The following MNDA variants were observed in gnomAD, a reference collection of about 807,000 sequenced individuals.
MNDA encodes myeloid cell nuclear differentiation antigen.
In MNDA, 43 loss-of-function variants were observed where a neutral mutation model predicts 37.8. The observed-to-expected ratio is 1.14, with a 90% CI of 0.89 to 1.47. MNDA has a LOEUF of 1.47. MNDA is among the 40% of genes most tolerant of loss of function. MNDA has a pLI of 0.00. For missense variants in MNDA, 536 were observed against 476.0 expected, an observed-to-expected ratio of 1.13 and a Z score of -1.17; for synonymous variants, 181 against 169.0, an observed-to-expected ratio of 1.07 and a Z score of -0.55.
rs76012885 is a variant in MNDA, at chr1:158,833,464, G to A, written c.-21+1907G>A. Among the ~76,000 whole-genome samples, 500 of 152,248 alleles carry A rather than the reference G, an allele frequency of 3.3e-3. 2 individuals carry two copies. The highest frequency in any genetic ancestry group is 6.4e-3 in the Non-Finnish European group (433 of 67,998). ...ATCTTGCAAAACTAAAACTCTAACC[G>A]TTAACCAACAATTTCACCATTCCCC... On this transcript the variant is annotated intron_variant, in intron 1 of 6. Transcript: ENST00000368141.
chr1:158,844,172 T>G, intron 4 of MNDA, 50 bp downstream of exon 4: 2 of 1,404,296 alleles, frequency 1.4e-6, no homozygotes, highest in Non-Finnish European at 1.9e-6. Flanking sequence ...CCAGTCACAG[T>G]GCATTCCACT....
Position 158,842,142 on chromosome 1 carries a change from A to G in MNDA, c.-12A>G, listed in dbSNP as rs769703820. Reference sequence around the variant, plus strand: ...TCATTTTTACTTTATAGGCCAAGCTATAACATCAGAAATGGTGAATGAATA... The same window carrying G: ...TCATTTTTACTTTATAGGCCAAGCTGTAACATCAGAAATGGTGAATGAATA... On this transcript the variant is annotated 5_prime_UTR_variant, in exon 2 of 7. Transcript: ENST00000368141. The G allele has an allele frequency of 3.7e-6, 6 of 1,600,330 alleles. No individual in the cohort carries two copies. The South Asian group carries it at 4.5e-5, about 12-fold the overall frequency.
intron 2 of MNDA, 28 bp from the exon 3 acceptor site, chr1:158,843,251 T>C (rs1335914938): frequency 3.8e-6 from 6 of 1,594,694 alleles, no homozygotes; most frequent in Non-Finnish European, 5.1e-6. Flanking sequence ...TCTAGGCCTA[T>C]TGTGCCCTTT....
chr1:158,846,192 A>G (rs1180900698), intron 5 of MNDA, among the ~76,000 whole-genome samples, 189 bp downstream of exon 5: 1 of 152,210 alleles, frequency 6.6e-6, no homozygotes, highest in African/African-American at 2.4e-5. Context: ...AAATAAATGT[A>G]GGGACTTTGA....
At position 158,839,204 on chromosome 1, in the gene MNDA, C is replaced by G. The variant is rs1658982930; in HGVS notation, c.-20-2930C>G. Among the ~76,000 whole-genome samples, 3 of 152,256 alleles carry G rather than the reference C, an allele frequency of 2.0e-5. No individual in the cohort carries two copies. In the South Asian group the frequency reaches 6.2e-4, roughly 32 times the overall value. On this transcript the variant is annotated intron_variant, in intron 1 of 6. Transcript: ENST00000368141. ...ACAGCCCCCTCTCAACCATTGTTAA[C>G]TGGCACCATATTCAGGGGAGGACTT...
rs142716620 is a variant in MNDA at position 158,842,237 on chromosome 1, A to C, written c.84A>C (p.Leu28Phe). The C allele has an allele frequency of 3.3e-5, 53 of 1,613,954 alleles. No individual in the cohort carries two copies. Among genetic ancestry groups the C allele is most frequent in the Admixed American group, 5.0e-5 (3 of 60,010 alleles). ...DDYHFTSIKS[L>F]LAYDLGLTTK... is the part of the protein sequence containing the mutation. ...ATCATTTTACATCAATTAAGTCCTTACTGGCCTATGATTTAGGACTAACTA... is the reference window on the plus strand; with the variant it reads ...ATCATTTTACATCAATTAAGTCCTTCCTGGCCTATGATTTAGGACTAACTA... The change falls in exon 2 of 7, where the codon TTA becomes TTC. Residue 28 changes from leucine to phenylalanine, a missense_variant. Leu to Phe is a conservative substitution (Grantham distance 22). Coordinates refer to ENST00000368141, the MANE Select transcript of MNDA (RefSeq NM_002432.3).
intron 1 of MNDA, among the ~76,000 whole-genome samples, chr1:158,839,024 TCATA>T (rs1230809254): frequency 2.6e-5 from 4 of 152,348 alleles, no homozygotes; most frequent in African/African-American, 9.6e-5. Flanking sequence ...AACTCATTTA[TCATA>T]TTTAAGAGTG....
At chr1:158,838,281 G>A (rs904294162) in intron 1 of MNDA, among the ~76,000 whole-genome samples, 2 of 151,942 alleles carry the variant, frequency 1.3e-5, no homozygotes, top group African/African-American at 2.4e-5. Flanking sequence ...TAGTGGTAAT[G>A]AAATCCTTCA....
Position 158,849,430 on chromosome 1 carries a change from C to T in MNDA, c.*193C>T. 4.2e-6 allele frequency: 2 copies of T among 479,572 alleles called. No homozygotes were observed. The highest frequency in any genetic ancestry group is 3.7e-5 in the South Asian group (1 of 27,060). 29.7% of individuals were successfully genotyped at this position (479,572 alleles called of 1,614,324 possible). On this transcript the variant is annotated 3_prime_UTR_variant, in exon 7 of 7. Coordinates refer to ENST00000368141, the MANE Select transcript of MNDA (RefSeq NM_002432.3). The stretch of plus-strand genomic sequence containing the variant: ...ATAAAATTTTCTTCTTATACTCTTC[C>T]TTTTTTTTAGATATTACATTTTGCT...
rs767502811 is a variant in MNDA, at chr1:158,847,895, TG to T, written c.1157del (p.Gly386GlufsTer19). 7 of 1,613,754 alleles carry T rather than the reference TG, an allele frequency of 4.3e-6. No individual in the cohort carries two copies. Among genetic ancestry groups the T allele is most frequent in the Non-Finnish European group, 5.9e-6 (7 of 1,179,828 alleles). ...TTGACCGCAAGCTGAAACTGGTGTG[TG>T]GAAGTCACAGCTTCATCAAGGTGGG... The part of the protein sequence containing the change: ...TVDRKLKLVC[G>X]SHSFIKVIKA... On this transcript the variant is annotated frameshift_variant, in exon 6 of 7. Transcript: ENST00000368141. LOFTEE classifies it low-confidence loss of function (END_TRUNC).
chr1:158,835,616 G>C (rs1321097777), intron 1 of MNDA, among the ~76,000 whole-genome samples: 1 of 66,744 alleles, frequency 1.5e-5, no homozygotes, highest in East Asian at 5.3e-4. Flanking sequence ...TATTTTTGGT[G>C]GGGGCGGGGG....
chr1:158,844,171 G>A (rs1474399865), intron 4 of MNDA, 49 bp downstream of exon 4: 1 of 1,423,806 alleles, frequency 7.0e-7, no homozygotes, highest in Non-Finnish European at 9.4e-7. Flanking sequence ...CCCAGTCACA[G>A]TGCATTCCAC....
chr1:158,843,814 A>G, intron 3 of MNDA, 141 bp from the exon 4 acceptor site: 1 of 706,820 alleles, frequency 1.4e-6, no homozygotes, highest in East Asian at 2.8e-5. Context: ...TCTTCAAGTG[A>G]CAGATTGTAA....
In MNDA at chr1:158,847,932, A is replaced by G. The variant is rs1659173539; in HGVS notation, c.1176+16A>G. ...CTTCATCAAGGTGGGAACTGGATAGAGGAGAATGAGTTTGCTAAAGAGGCA... is the reference window on the plus strand; with the variant it reads ...CTTCATCAAGGTGGGAACTGGATAGGGGAGAATGAGTTTGCTAAAGAGGCA... On this transcript the variant is annotated intron_variant, in intron 6 of 6. Transcript: ENST00000368141. 1 of 1,599,794 alleles carries G rather than the reference A, an allele frequency of 6.3e-7. No individual in the cohort carries two copies. Among genetic ancestry groups the G allele is most frequent in the Admixed American group, 1.7e-5 (1 of 57,906 alleles).
intron 6 of MNDA, among the ~76,000 whole-genome samples, chr1:158,848,690 G>A (rs1055017953): frequency 6.6e-6 from 1 of 152,114 alleles, no homozygotes; most frequent in Non-Finnish European, 1.5e-5. Flanking sequence ...AAATATTCCG[G>A]TGTCTATCTA....
chr1:158,848,819 G>T (rs1193073078), intron 6 of MNDA, among the ~76,000 whole-genome samples: 2 of 152,048 alleles, frequency 1.3e-5, no homozygotes, highest in African/African-American at 4.8e-5. Flanking sequence ...GGAATTATAT[G>T]CACTGCTTGC....
chr1:158,834,064 G>C (rs1658858898), intron 1 of MNDA, among the ~76,000 whole-genome samples: 1 of 151,956 alleles, frequency 6.6e-6, no homozygotes, highest in Non-Finnish European at 1.5e-5. Context: ...CATCCTAGGA[G>C]CTCCGATGTT....
Position 158,844,029 on chromosome 1 carries a change from A to G in MNDA, c.477A>G (p.Pro159=), listed in dbSNP as rs857870. ...NKVSQEQSKP[P]GPSGASTSAA... ...TGTCCCAAGAGCAGAGTAAGCCCCC[A>G]GGTCCCTCAGGAGCCAGCACATCTG... is the stretch of plus-strand genomic sequence containing the variant. Residue 159 remains proline (P), a synonymous_variant, in exon 4 of 7, where the codon CCA becomes CCG. Coordinates refer to ENST00000368141, the MANE Select transcript of MNDA (RefSeq NM_002432.3). 0.56 allele frequency: 907,866 copies of G among 1,612,662 alleles called. 258,110 individuals carry two copies. Among genetic ancestry groups the G allele is most frequent in the East Asian group, 0.69 (30,706 of 44,814 alleles).
chr1:158,837,342 T>C (rs1236315891), intron 1 of MNDA, among the ~76,000 whole-genome samples: 1 of 151,832 alleles, frequency 6.6e-6, no homozygotes, highest in East Asian at 1.9e-4. Flanking sequence ...AGTTGTCTAT[T>C]TCTCCCTTCA....
Sources: allele counts gnomAD v4.1 joint callset (sites outside exome capture counted in the v4.1 genomes callset), GRCh38; gene constraint gnomAD v4.1.1; transcripts MANE v1.5; gene names NCBI Gene and HGNC (gene_info 2026-07-23, HGNC 2026-07-21).